The following RAD51B variants were observed in gnomAD, a reference collection of about 807,000 sequenced individuals.
The protein encoded by RAD51B is DNA repair protein RAD51 homolog 2.
A neutral mutation model predicts 42.2 loss-of-function variants in RAD51B; 38 were observed. The observed-to-expected ratio is 0.90, with a 90% confidence interval of 0.70 to 1.18. The LOEUF (loss-of-function observed/expected upper bound fraction) is 1.18. RAD51B is among the 50% of genes most tolerant of loss of function. RAD51B has a pLI of 0.00. For missense variants in RAD51B, 373 were observed against 400.7 expected (o/e 0.93, Z 0.59); for synonymous variants, 154 against 145.2 (o/e 1.06, Z -0.43).
At chr14:68,559,132 T>C (rs975680354) in intron 10 of RAD51B, among the ~76,000 whole-genome samples, 26 of 151,714 alleles carry the variant, frequency 1.7e-4, no homozygotes, top group East Asian at 3.9e-4. Context: ...TATATATATA[T>C]ACACACAAAA....
chr14:67,855,582 A>G (rs1231487240), intron 4 of RAD51B, among the ~76,000 whole-genome samples: 4 of 152,302 alleles, frequency 2.6e-5, no homozygotes, highest in Middle Eastern at 6.8e-3. Context: ...GCTGTGGCCT[A>G]CATGATCACA....
At chr14:68,477,536 A>G (rs1013388037) in intron 10 of RAD51B, 112 bp from the exon 11 acceptor site, 7 of 1,295,888 alleles carry the variant, frequency 5.4e-6, no homozygotes, top group Non-Finnish European at 7.5e-6. Flanking sequence ...AATACGTATG[A>G]AAGAGGACTG....
intron 7 of RAD51B, among the ~76,000 whole-genome samples, chr14:68,025,611 G>C (rs1452816524): frequency 6.6e-6 from 1 of 150,584 alleles, no homozygotes; most frequent in Non-Finnish European, 1.5e-5. Context: ...GGGAGACTGT[G>C]TGTTTCCAGG....
intron 8 of RAD51B, among the ~76,000 whole-genome samples, chr14:68,400,272 G>A (rs1031245419): frequency 1.3e-5 from 2 of 152,160 alleles, no homozygotes; most frequent in African/African-American, 2.4e-5. Context: ...GCGACCAAAT[G>A]TTACTTCACT....
At chr14:68,229,965 A>T (rs1458616584) in intron 7 of RAD51B, among the ~76,000 whole-genome samples, 1 of 152,120 alleles carries the variant, frequency 6.6e-6, no homozygotes, top group Non-Finnish European at 1.5e-5. Context: ...TTTCCTACTA[A>T]AATTTTCACT....
At chr14:67,882,850 T>A (rs1039026845) in intron 5 of RAD51B, among the ~76,000 whole-genome samples, 2 of 152,108 alleles carry the variant, frequency 1.3e-5, no homozygotes, top group Non-Finnish European at 2.9e-5. Flanking sequence ...ATTCAAGCGA[T>A]TCTCTTGCTT....
chr14:67,829,871 G>A (rs1275939594), intron 3 of RAD51B, among the ~76,000 whole-genome samples: 2 of 152,102 alleles, frequency 1.3e-5, no homozygotes, highest in Admixed American at 1.3e-4. Context: ...TCCTATGAAG[G>A]AAAAGCATAA....
chr14:68,626,725 G>A (rs75493035), intron 10 of RAD51B, among the ~76,000 whole-genome samples: 1 of 152,212 alleles, frequency 6.6e-6, no homozygotes, highest in East Asian at 1.9e-4. Context: ...ATATTGCAAA[G>A]CTTCTTACAA....
chr14:68,364,097 GATCCGCTC>G (rs1310501302), intron 8 of RAD51B, among the ~76,000 whole-genome samples: 1 of 152,134 alleles, frequency 6.6e-6, no homozygotes, highest in Non-Finnish European at 1.5e-5. Context: ...GTTCCTTCCC[GATCCGCTC>G]ATCCTAACCC....
chr14:68,353,064 T>G (rs73274156), intron 8 of RAD51B, among the ~76,000 whole-genome samples: 2,655 of 152,286 alleles, frequency 0.017, 71 homozygotes, highest in African/African-American at 0.058. Flanking sequence ...TTATTAGCAA[T>G]GTCAGAAAGC....
chr14:68,594,523 T>G (rs1420644609), exon 11 of RAD51B: 1 of 1,358,770 alleles, frequency 7.4e-7, no homozygotes, highest in Non-Finnish European at 9.7e-7. Flanking sequence ...TGAACTGAAC[T>G]GGGCTCCAGA....
At chr14:68,188,481 A>G (rs886516393) in intron 7 of RAD51B, among the ~76,000 whole-genome samples, 10 of 151,788 alleles carry the variant, frequency 6.6e-5, no homozygotes, top group African/African-American at 2.4e-4. Context: ...ATGATCTTTC[A>G]GAAGCAGTTG....
At chr14:68,050,481 A>G (rs1029578216) in intron 7 of RAD51B, among the ~76,000 whole-genome samples, 2 of 152,120 alleles carry the variant, frequency 1.3e-5, no homozygotes, top group African/African-American at 4.8e-5. Flanking sequence ...TTTTCATGTA[A>G]TACAGTTTTG....
At chr14:67,935,755 A>G (rs1225072563) in intron 7 of RAD51B, among the ~76,000 whole-genome samples, 1 of 152,190 alleles carries the variant, frequency 6.6e-6, no homozygotes, top group Non-Finnish European at 1.5e-5. Flanking sequence ...TTCTAAAATA[A>G]TAGGCACTGA....
intron 7 of RAD51B, among the ~76,000 whole-genome samples, chr14:68,006,158 C>T (rs1216282829): frequency 6.6e-6 from 1 of 152,270 alleles, no homozygotes; most frequent in South Asian, 2.1e-4. Flanking sequence ...TTGGGTGGGA[C>T]ACAGATCCAA....
downstream of RAD51B, chr14:68,478,242 G>A (rs115181995): frequency 2.4e-3 from 2,177 of 925,836 alleles, 33 homozygotes; most frequent in African/African-American, 0.028. Context: ...AGAATTCACT[G>A]ACAGGTTCAG....
chr14:68,324,639 T>C (rs2082216316), intron 8 of RAD51B, among the ~76,000 whole-genome samples: 1 of 152,250 alleles, frequency 6.6e-6, no homozygotes, highest in South Asian at 2.1e-4. Context: ...TCATGTTGTA[T>C]ATTAATGTTG....
intron 7 of RAD51B, among the ~76,000 whole-genome samples, chr14:67,984,755 A>G (rs189952323): frequency 5.3e-5 from 8 of 152,344 alleles, no homozygotes; most frequent in Non-Finnish European, 8.8e-5. Context: ...TCACCAAGGT[A>G]AGGACAGGAG....
At chr14:68,590,747 G>C (rs1890703233) in intron 10 of RAD51B, among the ~76,000 whole-genome samples, 2 of 152,288 alleles carry the variant, frequency 1.3e-5, no homozygotes, top group South Asian at 2.1e-4. Flanking sequence ...TTCTTCCTAG[G>C]AGGGCAATGA....
Sources: gnomAD v4.1 joint callset for allele counts (sites outside exome capture counted in the v4.1 genomes callset) on GRCh38, gnomAD v4.1.1 for gene constraint, MANE v1.5 for transcripts, NCBI Gene and HGNC (gene_info 2026-07-23, HGNC 2026-07-21) for gene names.